PKIB: variants seen among roughly 807,000 people sequenced by gnomAD.
PKIB encodes the protein PKI-beta.
PKIB carries 2 observed loss-of-function variants against 4.5 expected under a neutral mutation model. The ratio of observed to expected loss-of-function variants is 0.44; its 90% CI spans 0.18 to 1.39. The LOEUF (loss-of-function observed/expected upper bound fraction) is 1.39. Among genes scored for constraint, PKIB ranks in the 40% most tolerant of loss-of-function variants. PKIB has a pLI of 0.27. For synonymous variants in PKIB, 38 were observed against 36.0 expected (o/e 1.06, Z -0.20); for missense variants, 94 against 92.6 (o/e 1.02, Z -0.06).
chr6:122,575,877 A>G (rs771701851), intron 2 of PKIB, among the ~76,000 whole-genome samples: 7 of 152,192 alleles, frequency 4.6e-5, no homozygotes, highest in African/African-American at 7.2e-5. Flanking sequence ...CCGTGTAAGC[A>G]AAAACCACCT....
At chr6:122,704,762 A>T (rs1778988696) in intron 3 of PKIB, among the ~76,000 whole-genome samples, 2 of 132,012 alleles carry the variant, frequency 1.5e-5, no homozygotes, top group African/African-American at 5.3e-5. Context: ...GTTTATGTTT[A>T]GAGAGATTAA....
At position 122,597,483 on chromosome 6, in the gene PKIB, C is replaced by G. The variant is rs146431871; in HGVS notation, c.-161+11476C>G. Among the ~76,000 whole-genome samples, 83 of 152,310 alleles carry G rather than the reference C, an allele frequency of 5.4e-4. 2 individuals are homozygous for G. Among genetic ancestry groups the G allele is most frequent in the Admixed American group, 1.0e-3 (16 of 15,306 alleles). ...AATGAAACCATATCTGGTACAGCAG[C>G]TGCAATTGGGGTCACCACTTGGTCA... On this transcript the variant is annotated intron_variant, in intron 3 of 6. Transcript: ENST00000392491.
intron 1 of PKIB, among the ~76,000 whole-genome samples, chr6:122,616,440 A>G (rs1175650162): frequency 1.3e-5 from 2 of 152,192 alleles, no homozygotes; most frequent in Non-Finnish European, 2.9e-5. Flanking sequence ...TAGTCCTCCC[A>G]GGATTATAGG....
intron 2 of PKIB, chr6:122,482,436 T>C (rs1775648607): frequency 6.6e-6 from 1 of 152,180 alleles, no homozygotes; most frequent in Non-Finnish European, 1.5e-5. Context: ...GCTTGCACAG[T>C]AGCTCAACAT....
chr6:122,531,789 A>C (rs1294101663), intron 2 of PKIB, among the ~76,000 whole-genome samples: 1 of 152,192 alleles, frequency 6.6e-6, no homozygotes, highest in Non-Finnish European at 1.5e-5. Flanking sequence ...TAGACTGTGA[A>C]TTGCTTAAGG....
intron 2 of PKIB, among the ~76,000 whole-genome samples, chr6:122,484,892 A>G (rs140324120): frequency 8.3e-4 from 127 of 152,324 alleles, no homozygotes; most frequent in African/African-American, 3.0e-3. Context: ...ACTTAGGAGT[A>G]TGCGCCAGAA....
intron 2 of PKIB, among the ~76,000 whole-genome samples, chr6:122,510,293 A>G (rs536390167): frequency 1.3e-5 from 2 of 152,340 alleles, no homozygotes; most frequent in Admixed American, 1.3e-4. Flanking sequence ...TATGTCATCC[A>G]TATAATGAAT....
chr6:122,688,075 T>A (rs543289205), intron 3 of PKIB, among the ~76,000 whole-genome samples: 2 of 152,304 alleles, frequency 1.3e-5, no homozygotes, highest in South Asian at 4.1e-4. Flanking sequence ...TTCAGTGTAA[T>A]GCTAGCTGTG....
At chr6:122,485,543 C>A (rs1199173517) in intron 2 of PKIB, among the ~76,000 whole-genome samples, 2 of 152,166 alleles carry the variant, frequency 1.3e-5, no homozygotes, top group Non-Finnish European at 2.9e-5. Context: ...AGGATAGCAT[C>A]AGTCGTGTGT....
At chr6:122,615,205 A>T (rs1305578513) in intron 1 of PKIB, among the ~76,000 whole-genome samples, 1 of 152,084 alleles carries the variant, frequency 6.6e-6, no homozygotes, top group African/African-American at 2.4e-5. Context: ...AGAAAAAAAA[A>T]ATTTTTAAAT....
chr6:122,608,913 G>A (rs1774634567), upstream of PKIB, among the ~76,000 whole-genome samples: 1 of 151,952 alleles, frequency 6.6e-6, no homozygotes, highest in Admixed American at 6.5e-5. Flanking sequence ...CTCTGTCATA[G>A]TACCTCTAAA....
intron 2 of PKIB, among the ~76,000 whole-genome samples, chr6:122,645,998 C>T (rs961111278): frequency 6.6e-6 from 1 of 151,668 alleles, no homozygotes; most frequent in Admixed American, 6.6e-5. Flanking sequence ...GTCATAGTAA[C>T]CTTCAGATCA....
chr6:122,486,327 A>C (rs976811303), intron 2 of PKIB, among the ~76,000 whole-genome samples: 6 of 152,150 alleles, frequency 3.9e-5, no homozygotes, highest in Non-Finnish European at 8.8e-5. Flanking sequence ...TCTTTCTTTC[A>C]GAATAATAAG....
intron 2 of PKIB, among the ~76,000 whole-genome samples, chr6:122,534,413 A>G (rs1468512778): frequency 6.6e-6 from 1 of 151,856 alleles, no homozygotes; most frequent in Non-Finnish European, 1.5e-5. Flanking sequence ...TAGGTTGAGC[A>G]TTTTCCTGAG....
chr6:122,522,758 C>A (rs1225767603), intron 2 of PKIB, among the ~76,000 whole-genome samples: 1 of 152,158 alleles, frequency 6.6e-6, no homozygotes, highest in African/African-American at 2.4e-5. Context: ...CTAACCAGTT[C>A]CAGTGAGATG....
intron 2 of PKIB, among the ~76,000 whole-genome samples, chr6:122,565,087 C>T (rs1285353976): frequency 3.9e-5 from 6 of 152,074 alleles, no homozygotes; most frequent in Non-Finnish European, 7.4e-5. Flanking sequence ...TAAGTGGCAC[C>T]GAATAATTAG....
intron 2 of PKIB, among the ~76,000 whole-genome samples, chr6:122,635,452 C>T (rs571372534): frequency 7.3e-5 from 11 of 151,176 alleles, no homozygotes; most frequent in African/African-American, 2.7e-4. Context: ...GAAATATACA[C>T]TCTTAAGGAA....
intron 3 of PKIB, among the ~76,000 whole-genome samples, chr6:122,702,013 G>A (rs1778828734): frequency 6.6e-6 from 1 of 152,126 alleles, no homozygotes; most frequent in Non-Finnish European, 1.5e-5. Context: ...TTCTAAGAGT[G>A]ACATGCTCAA....
Position 122,580,706 on chromosome 6 carries a change from T to C in PKIB, c.-247-5215T>C, listed in dbSNP as rs915426722. 6.6e-5 allele frequency among the ~76,000 whole-genome samples: 10 copies of C among 152,122 alleles called. No individual in the cohort carries two copies. In the South Asian group the frequency reaches 8.3e-4, roughly 13 times the overall value. On this transcript the variant is annotated intron_variant, in intron 2 of 6. Coordinates refer to the PKIB transcript ENST00000392491. ...GCAGAAAATATATTATTTTGTCTTG[T>C]ATCTTCTTAGTTCCCAGCATACCAC...
Sources: allele counts gnomAD v4.1 joint callset (sites outside exome capture counted in the v4.1 genomes callset), GRCh38; gene constraint gnomAD v4.1.1; transcripts MANE v1.5; gene names NCBI Gene and HGNC (gene_info 2026-07-23, HGNC 2026-07-21).